Variants in TANC1 observed in about 807,000 individuals in gnomAD.
TANC1 encodes the protein tetratricopeptide repeat, ankyrin repeat and coiled-coil containing 1, also known as protein TANC1.
In TANC1, 77 loss-of-function variants were observed where a neutral mutation model predicts 149.7. The observed-to-expected ratio is 0.51, with a 90% confidence interval of 0.43 to 0.62. TANC1 has a LOEUF of 0.62. TANC1 is among the 20% of genes least tolerant of loss of function. The pLI is 0.00. For synonymous variants in TANC1, 854 were observed against 925.0 expected, an observed-to-expected ratio of 0.92 and a Z score of 1.39; for missense variants, 1,985 against 2,321.8, an observed-to-expected ratio of 0.85 and a Z score of 2.98.
At chr2:159,211,976 C>T (rs975845586) in intron 19 of TANC1, among the ~76,000 whole-genome samples, 1 of 152,238 alleles carries the variant, frequency 6.6e-6, no homozygotes. Context: ...TTGTCAGTTG[C>T]TCCAACTTGT....
intron 1 of TANC1, among the ~76,000 whole-genome samples, chr2:158,990,178 T>C (rs1166000506): frequency 6.6e-6 from 1 of 152,128 alleles, no homozygotes; most frequent in Non-Finnish European, 1.5e-5. Context: ...CCTCGTGATC[T>C]GCCCGCCTCA....
chr2:158,980,373 A>G (rs568680851), intron 1 of TANC1, among the ~76,000 whole-genome samples: 2 of 152,140 alleles, frequency 1.3e-5, no homozygotes, highest in African/African-American at 2.4e-5. Flanking sequence ...CAAATCGCAG[A>G]CATCATGTAA....
chr2:159,029,641 A>G lies in TANC1; in HGVS notation c.-16+28452A>G, dbSNP rs140024726. On this transcript the variant is annotated intron_variant, in intron 2 of 26. Coordinates refer to ENST00000263635, the MANE Select transcript of TANC1 (RefSeq NM_033394.3). ...TGCAGTGGCACAATCATAGTTCACTATAATCTTGGACTCCTGGGCTCAAGC... is the reference window on the plus strand; with the variant it reads ...TGCAGTGGCACAATCATAGTTCACTGTAATCTTGGACTCCTGGGCTCAAGC... Among the ~76,000 whole-genome samples the G allele has an allele frequency of 1.6e-4, 24 of 152,280 alleles. No individual in the cohort carries two copies. In the East Asian group the frequency reaches 3.5e-3, roughly 22 times the overall value.
At chr2:159,103,848 G>A (rs147261519) in intron 4 of TANC1, among the ~76,000 whole-genome samples, 1,379 of 97,266 alleles carry the variant, frequency 0.014, 529 homozygotes, top group Non-Finnish European at 0.028. Flanking sequence ...CAGCCAGCCT[G>A]TGCCGATGTT....
At chr2:159,178,337 G>GGAT (rs2056101319) in intron 13 of TANC1, among the ~76,000 whole-genome samples, 1 of 152,168 alleles carries the variant, frequency 6.6e-6, no homozygotes, top group South Asian at 2.1e-4. Context: ...GAGGGCCTCA[G>GGAT]GATAGCACTT....
chr2:159,187,834 G>C (rs146708158), intron 16 of TANC1, among the ~76,000 whole-genome samples: 2 of 152,292 alleles, frequency 1.3e-5, no homozygotes, highest in African/African-American at 4.8e-5. Context: ...TCATAAGAAA[G>C]ATGAGAATAA....
chr2:158,995,707 T>C (rs955425370), intron 1 of TANC1, among the ~76,000 whole-genome samples: 23 of 152,254 alleles, frequency 1.5e-4, no homozygotes, highest in African/African-American at 5.5e-4. Flanking sequence ...TTTCCTGTTC[T>C]TTAAACCCTA....
intron 1 of TANC1, among the ~76,000 whole-genome samples, chr2:158,983,494 A>G (rs1254593374): frequency 6.6e-6 from 1 of 151,514 alleles, no homozygotes; most frequent in Non-Finnish European, 1.5e-5. Flanking sequence ...AAAACACCAA[A>G]CAAACAACAA....
intron 1 of TANC1, among the ~76,000 whole-genome samples, chr2:158,981,542 T>TATAA (rs1559096565): frequency 6.8e-5 from 6 of 88,382 alleles, no homozygotes; most frequent in Non-Finnish European, 9.4e-5. Context: ...TATATATATA[T>TATAA]AAAGAAGTAA....
chr2:159,130,600 G>A (rs1341351302), intron 4 of TANC1, among the ~76,000 whole-genome samples: 3 of 152,174 alleles, frequency 2.0e-5, no homozygotes, highest in African/African-American at 7.2e-5. Flanking sequence ...TTGTTCTGTA[G>A]CCGCAGCCTG....
intron 5 of TANC1, 89 bp downstream of exon 5, chr2:159,136,387 G>A (rs2050751249): frequency 1.3e-6 from 1 of 789,850 alleles, no homozygotes; most frequent in African/African-American, 1.7e-5. Context: ...TGTCCTTGCA[G>A]TACTGCTTTG....
intron 2 of TANC1, among the ~76,000 whole-genome samples, chr2:159,060,963 G>A (rs1020517628): frequency 6.6e-6 from 1 of 152,288 alleles, no homozygotes; most frequent in Middle Eastern, 3.4e-3. Flanking sequence ...ATGTAGAGAG[G>A]TTGTGCCTGT....
At chr2:159,134,382 G>A (rs1360991996) in intron 4 of TANC1, among the ~76,000 whole-genome samples, 1 of 152,140 alleles carries the variant, frequency 6.6e-6, no homozygotes, top group African/African-American at 2.4e-5. Flanking sequence ...TTGGCTCACT[G>A]CAACCTTTAC....
Position 159,229,618 on chromosome 2 carries a change from A to C in TANC1, c.4192A>C (p.Lys1398Gln), listed in dbSNP as rs1218214958. 3 of 1,613,892 alleles carry C rather than the reference A, an allele frequency of 1.9e-6. No homozygotes were observed. The Admixed American group carries it at 5.0e-5, about 27-fold the overall frequency. ...TCTGGCTGACCTGCAAGAGGCTGTG[A>C]AACTCTGTCCCACCAATCAGGAAGT... is the stretch of plus-strand genomic sequence containing the variant. ...AALADLQEAV[K>Q]LCPTNQEVKR... is the part of the protein sequence containing the mutation. The change falls in exon 27 of 27, where the codon AAA becomes CAA. Residue 1398 changes from lysine (K) to glutamine (Q), a missense_variant. Physicochemically the swap from Lys to Gln is moderately conservative, Grantham distance 53 (BLOSUM62 1). Coordinates refer to ENST00000263635, the MANE Select transcript of TANC1 (RefSeq NM_033394.3).
At chr2:159,112,343 C>G (rs2047811819) in intron 4 of TANC1, among the ~76,000 whole-genome samples, 1 of 152,052 alleles carries the variant, frequency 6.6e-6, no homozygotes. Flanking sequence ...GCAACCTCCC[C>G]CTCACAGGTG....
chr2:159,131,218 G>T (rs1417780660), intron 4 of TANC1, among the ~76,000 whole-genome samples: 2 of 151,974 alleles, frequency 1.3e-5, no homozygotes, highest in Non-Finnish European at 2.9e-5. Flanking sequence ...TTTTTCCTTA[G>T]CAGTTACAAG....
At chr2:159,079,346 C>CTT (rs68143585) in intron 3 of TANC1, among the ~76,000 whole-genome samples, 3,621 of 109,842 alleles carry the variant, frequency 0.033, 210 homozygotes, top group African/African-American at 0.095. Flanking sequence ...GTGTGTGTGT[C>CTT]TTTTTTTTTT....
intron 7 of TANC1, among the ~76,000 whole-genome samples, chr2:159,159,747 A>T (rs1358476034): frequency 5.4e-5 from 8 of 146,848 alleles, no homozygotes; most frequent in African/African-American, 1.7e-4. Flanking sequence ...AGAGAGAGAG[A>T]GAGAGAGAGA....
chr2:159,145,015 T>C (rs1574948310), intron 5 of TANC1, among the ~76,000 whole-genome samples: 1 of 151,476 alleles, frequency 6.6e-6, no homozygotes, highest in Non-Finnish European at 1.5e-5. Flanking sequence ...CTTTAGAGTC[T>C]GAGGAGGACG....
Sources: gnomAD v4.1 joint callset for allele counts (sites outside exome capture counted in the v4.1 genomes callset) on GRCh38, gnomAD v4.1.1 for gene constraint, MANE v1.5 for transcripts, NCBI Gene and HGNC (gene_info 2026-07-23, HGNC 2026-07-21) for gene names.